HGSNAT: variants seen among roughly 807,000 people sequenced by gnomAD.
HGSNAT encodes the protein transmembrane protein 76.
Under a neutral mutation model 85.2 loss-of-function variants are expected in HGSNAT, and 59 were observed. The observed-to-expected ratio is 0.69, with a 90% CI of 0.56 to 0.86. The LOEUF (loss-of-function observed/expected upper bound fraction) is 0.86. HGSNAT is among the 40% of genes least tolerant of loss of function. The pLI, the probability that HGSNAT is intolerant of heterozygous loss-of-function variation, is 0.00. For missense variants in HGSNAT, 756 were observed against 777.1 expected (o/e 0.97, Z 0.32); for synonymous variants, 321 against 304.5 (o/e 1.05, Z -0.56).
chr8:43,198,769 A>C (rs1804819693), intron 17 of HGSNAT, among the ~76,000 whole-genome samples: 1 of 152,216 alleles, frequency 6.6e-6, no homozygotes, highest in Admixed American at 6.5e-5. Flanking sequence ...CAGCCCTTTG[A>C]TTCGAGGAAT....
intron 17 of HGSNAT, among the ~76,000 whole-genome samples, chr8:43,198,579 G>A (rs1319034038): frequency 1.3e-5 from 2 of 151,782 alleles, no homozygotes; most frequent in Non-Finnish European, 2.9e-5. Context: ...GAGCCACCGT[G>A]CCCAGCCTCT....
intron 14 of HGSNAT, chr8:43,196,514 GAAGT>G: frequency 3.9e-6 from 5 of 1,290,314 alleles, no homozygotes; most frequent in Non-Finnish European, 4.0e-6. Flanking sequence ...GCCCTGCCTG[GAAGT>G]AAGAGCCACG....
intron 9 of HGSNAT, among the ~76,000 whole-genome samples, chr8:43,177,487 G>T: frequency 6.7e-6 from 1 of 149,246 alleles, no homozygotes; most frequent in East Asian, 2.0e-4. Flanking sequence ...GAACCCAGGA[G>T]GCGGAGCTTG....
chr8:43,193,812 A>C lies in HGSNAT; in HGVS notation c.1433A>C (p.Asn478Thr), dbSNP rs148467283. 2 of 1,613,684 alleles carry C rather than the reference A, an allele frequency of 1.2e-6. No individual in the cohort carries two copies. Among genetic ancestry groups the C allele is most frequent in the Non-Finnish European group, 1.7e-6 (2 of 1,179,764 alleles). Residue 478 changes from asparagine (N) to threonine (T), a missense_variant, in exon 14 of 18, where the codon AAC becomes ACC. By Grantham distance (65) the Asn-to-Thr change is moderately conservative (BLOSUM62 0). Transcript: ENST00000379644. ...CCCGAGGGCATCCTGGGCACCATCAACTCCATCGTGATGGCCTTTTTAGGA... is the reference window on the plus strand; with the variant it reads ...CCCGAGGGCATCCTGGGCACCATCACCTCCATCGTGATGGCCTTTTTAGGA... ...YDPEGILGTI[N>T]SIVMAFLGVQ...
At chr8:43,172,167 ATGTCTCATCTTG>A in intron 7 of HGSNAT, 131 bp from the exon 8 acceptor site, 1 of 717,034 alleles carries the variant, frequency 1.4e-6, no homozygotes, top group Non-Finnish European at 2.5e-6. Context: ...CTTGGCCTTG[ATGTCTCATCTTG>A]TGTAATAAAA....
At chr8:43,142,873 GCCCA>G (rs1802595030) in intron 1 of HGSNAT, among the ~76,000 whole-genome samples, 1 of 152,124 alleles carries the variant, frequency 6.6e-6, no homozygotes, top group African/African-American at 2.4e-5. Flanking sequence ...ACCTTATTCC[GCCCA>G]CCACCAAAGG....
chr8:43,159,700 G>A (rs927403652), intron 4 of HGSNAT, among the ~76,000 whole-genome samples: 24 of 152,194 alleles, frequency 1.6e-4, no homozygotes, highest in African/African-American at 4.6e-4. Context: ...TAGGGTAATT[G>A]ACTGTCAAAT....
chr8:43,180,086 A>G (rs1479419034), intron 10 of HGSNAT, among the ~76,000 whole-genome samples: 1 of 45,552 alleles, frequency 2.2e-5, no homozygotes, highest in Admixed American at 2.5e-4. Flanking sequence ...TCCCTCCCGG[A>G]CGGGGCGGCT....
chr8:43,150,791 G>A (rs975448964), intron 2 of HGSNAT, among the ~76,000 whole-genome samples: 4 of 151,724 alleles, frequency 2.6e-5, no homozygotes, highest in South Asian at 2.1e-4. Flanking sequence ...CCAAGATTGC[G>A]CCACTGCACT....
chr8:43,193,684 T>G, intron 13 of HGSNAT, 73 bp from the exon 14 acceptor site: 1 of 959,252 alleles, frequency 1.0e-6, no homozygotes, highest in Non-Finnish European at 1.7e-6. Context: ...CAGGTTTGTA[T>G]TTGGTCTAGG....
intron 17 of HGSNAT, among the ~76,000 whole-genome samples, chr8:43,198,280 CTTTTTTTTTTTTT>C (rs59416007): frequency 1.2e-4 from 11 of 90,332 alleles, no homozygotes; most frequent in South Asian, 3.9e-4. Context: ...GTTTCTGGTT[CTTTTTTTTTTTTT>C]TTTTTTTTTT....
At chr8:43,199,270 C>A in intron 17 of HGSNAT, 118 bp from the exon 18 acceptor site, 1 of 678,398 alleles carries the variant, frequency 1.5e-6, no homozygotes, top group Non-Finnish European at 2.4e-6. Flanking sequence ...TGGCAGTAGC[C>A]AACAATGGAA....
rs1006154763 is a variant in HGSNAT, at chr8:43,178,044, G to T, written c.852-30G>T. ...TATATAGACAAAAAATTTGGAAATG[G>T]CCACCTATTAATAACTAGATTCTTT... On this transcript the variant is annotated intron_variant, in intron 9 of 17. Coordinates refer to ENST00000379644, the MANE Select transcript of HGSNAT (RefSeq NM_152419.3). 5 of 1,598,220 alleles carry T rather than the reference G, an allele frequency of 3.1e-6. No individual in the cohort carries two copies. In the African/African-American group the frequency reaches 6.7e-5, roughly 21 times the overall value.
chr8:43,192,175 G>A (rs1253199226), intron 12 of HGSNAT, 129 bp from the exon 13 acceptor site: 10 of 1,002,410 alleles, frequency 1.0e-5, no homozygotes, highest in South Asian at 1.8e-5. Context: ...TGATCTGCCC[G>A]CCTTGGCCTC....
rs1804924075 is a variant in HGSNAT at position 43,201,770 on chromosome 8, G to A, written c.*2201G>A. 6.6e-6 allele frequency: 1 copy of A among 152,168 alleles called. No homozygotes were observed. The highest frequency in any genetic ancestry group is 2.4e-5 in the African/African-American group (1 of 41,430). The allele number at this position is 152,168 out of a possible 1,614,324, so 9.4% of individuals were successfully genotyped here. A position where few individuals can be genotyped will look rare whatever the true frequency, so the allele number is the denominator to read the frequency against. ...CTTGTTGGTTTCTGTATTCCTCATGGTGCCAAACACAGTGCCTTCTACATT... is the reference window on the plus strand; with the variant it reads ...CTTGTTGGTTTCTGTATTCCTCATGATGCCAAACACAGTGCCTTCTACATT... On this transcript the variant is annotated 3_prime_UTR_variant, in exon 18 of 18. Transcript: ENST00000379644. This position sits in a 1 kb window ranked among gnomAD's most constrained non-coding sequence, Gnocchi z 4.4.
In HGSNAT at chr8:43,182,260, G is replaced by A. The variant is rs770462636; in HGVS notation, c.1128G>A (p.Ser376=). 30 of 1,608,334 alleles carry A rather than the reference G, an allele frequency of 1.9e-5. No homozygotes were observed. Among genetic ancestry groups the A allele is most frequent in the South Asian group, 2.2e-5 (2 of 90,900 alleles). ...AACCTGTGCCTGAACATTGTGCCTC[G>A]GTGAGAAACCATGTTTTAATTAAGA... The part of the protein sequence containing the change: ...FAKPVPEHCA[S]ERSCLSLRDI... Residue 376 remains serine, a splice_region_variant and synonymous_variant, in exon 11 of 18, where the codon TCG becomes TCA. Coordinates refer to ENST00000379644, the MANE Select transcript of HGSNAT (RefSeq NM_152419.3).
chr8:43,172,624 TAGA>T (rs1337705557), intron 8 of HGSNAT, among the ~76,000 whole-genome samples: 5 of 152,224 alleles, frequency 3.3e-5, no homozygotes, highest in Non-Finnish European at 5.9e-5. Context: ...TAACAGACTC[TAGA>T]AGTTTCTGCT....
chr8:43,146,201 C>G (rs563842828), intron 1 of HGSNAT, among the ~76,000 whole-genome samples: 1 of 152,196 alleles, frequency 6.6e-6, no homozygotes, highest in South Asian at 2.1e-4. Flanking sequence ...GTTTCTCTGC[C>G]CTTCAGACTG....
At chr8:43,158,809 CT>C (rs2130714779) in intron 3 of HGSNAT, 98 bp downstream of exon 3, 3 of 1,488,986 alleles carry the variant, frequency 2.0e-6, no homozygotes, top group Non-Finnish European at 2.7e-6. Flanking sequence ...TTTTCTTTAT[CT>C]TTTCTGGTCC....
Sources: allele counts gnomAD v4.1 joint callset (sites outside exome capture counted in the v4.1 genomes callset), GRCh38; gene constraint gnomAD v4.1.1; non-coding constraint Gnocchi (gnomAD v3.1); transcripts MANE v1.5; gene names NCBI Gene and HGNC (gene_info 2026-07-23, HGNC 2026-07-21).